The following RBM39 variants were observed in gnomAD, a reference collection of about 807,000 sequenced individuals.
RBM39 encodes the protein RNA-binding protein 39.
In RBM39, 12 loss-of-function variants were observed where a neutral mutation model predicts 79.6. The observed-to-expected ratio is 0.15, with a 90% confidence interval of 0.10 to 0.24. The LOEUF (loss-of-function observed/expected upper bound fraction) is 0.24, where lower values mean the gene tolerates loss of function less well. Among genes scored for constraint, RBM39 ranks in the 10% least tolerant of loss-of-function variants. RBM39 has a pLI of 1.00. For missense variants in RBM39, 243 were observed against 653.4 expected (o/e 0.37, Z 6.85); for synonymous variants, 185 against 208.4 (o/e 0.89, Z 0.97).
At position 35,703,565 on chromosome 20, in the gene RBM39, AAATTT is replaced by A. The variant is rs2035399307; in HGVS notation, c.*911_*915del. On this transcript the variant is annotated 3_prime_UTR_variant, in exon 17 of 17. Coordinates refer to ENST00000253363, the MANE Select transcript of RBM39 (RefSeq NM_184234.3). ...ACTAAAAGAAGCTAATTCTGTTCTC[AAATTT>A]CTGTAACTTTAAAACATTTGAAAAA... 2 of 152,608 alleles carry A rather than the reference AAATTT, an allele frequency of 1.3e-5. No homozygotes were observed. Among genetic ancestry groups the A allele is most frequent in the Admixed American group, 6.5e-5 (1 of 15,282 alleles). 9.5% of individuals were successfully genotyped at this position (152,608 alleles called of 1,614,324 possible).
intron 11 of RBM39, chr20:35,713,697 A>AAAAAAAAAAAC (rs2036759294): frequency 7.7e-6 from 1 of 130,162 alleles, no homozygotes; most frequent in Non-Finnish European, 1.6e-5. Context: ...AAAAAAAAAA[A>AAAAAAAAAAAC]CCACCACAGA....
At chr20:35,710,976 T>C (rs2425080) in intron 12 of RBM39, among the ~76,000 whole-genome samples, 4,173 of 152,242 alleles carry the variant, frequency 0.027, 158 homozygotes, top group African/African-American at 0.089. Flanking sequence ...AATCTTAATA[T>C]ATACTACACG....
intron 9 of RBM39, among the ~76,000 whole-genome samples, chr20:35,720,757 A>G (rs914210800): frequency 9.2e-5 from 14 of 152,140 alleles, no homozygotes; most frequent in African/African-American, 3.4e-4. Flanking sequence ...GGGCAGCAGA[A>G]TAAGACTCTG....
chr20:35,707,681 C>A, intron 13 of RBM39: 1 of 199,494 alleles, frequency 5.0e-6, no homozygotes, highest in Non-Finnish European at 1.1e-5. Context: ...TAAAATCATC[C>A]AAGTGTTTAA....
At chr20:35,727,467 A>C (rs1403903476) in intron 6 of RBM39, among the ~76,000 whole-genome samples, 1 of 150,718 alleles carries the variant, frequency 6.6e-6, no homozygotes, top group Non-Finnish European at 1.5e-5. Context: ...GAAATCGTAG[A>C]CTGAACAAAT....
rs73093179 is a variant in RBM39 at position 35,703,557 on chromosome 20, C to G, written c.*924G>C. 7.5e-3 allele frequency: 1,142 copies of G among 152,690 alleles called. 7 individuals carry two copies. The highest frequency in any genetic ancestry group is 0.011 in the Non-Finnish European group (736 of 68,022). The allele number at this position is 152,690 out of a possible 1,614,324, so 9.5% of individuals were successfully genotyped here. A position where few individuals can be genotyped will look rare whatever the true frequency, so the allele number is the denominator to read the frequency against. ...GAATTGAGACTAAAAGAAGCTAATT[C>G]TGTTCTCAAATTTCTGTAACTTTAA... On this transcript the variant is annotated 3_prime_UTR_variant, in exon 17 of 17. Transcript: ENST00000253363.
At chr20:35,726,798 G>A (rs2038749015) in intron 6 of RBM39, among the ~76,000 whole-genome samples, 1 of 152,040 alleles carries the variant, frequency 6.6e-6, no homozygotes, top group African/African-American at 2.4e-5. Flanking sequence ...GGGTTGGGGT[G>A]GTCGCTCCAC....
chr20:35,713,959 G>A, intron 11 of RBM39: 1 of 507,324 alleles, frequency 2.0e-6, no homozygotes, highest in Non-Finnish European at 3.5e-6. Context: ...CTACATAAAG[G>A]AAAAGAAATC....
At chr20:35,711,702 G>A (rs1218283394) in intron 12 of RBM39, among the ~76,000 whole-genome samples, 1 of 152,142 alleles carries the variant, frequency 6.6e-6, no homozygotes, top group African/African-American at 2.4e-5. Context: ...AAAAACAAAA[G>A]TCGTCTTCTA....
At chr20:35,724,987 T>A in intron 7 of RBM39, 51 bp downstream of exon 7, 1 of 1,288,262 alleles carries the variant, frequency 7.8e-7, no homozygotes, top group East Asian at 2.3e-5. Flanking sequence ...GTTTACATGT[T>A]TTCTCTTGCA....
At chr20:35,710,458 T>G (rs1352012375) in intron 12 of RBM39, 3 of 152,298 alleles carry the variant, frequency 2.0e-5, no homozygotes, top group Non-Finnish European at 4.4e-5. Flanking sequence ...CAGAAATCCA[T>G]GCTATTTTGT....
rs1435012388 is a variant in RBM39, at chr20:35,704,979, A to G, written c.1414-233T>C. On this transcript the variant is annotated intron_variant, in intron 15 of 16. Transcript: ENST00000253363. ...TTTGTATGCAGCCTAAGAATGAATC[A>G]AGATGCCAAGATTTCATGGCAAGCT... 4 of 586,724 alleles carry G rather than the reference A, an allele frequency of 6.8e-6. 1 individual carries two copies. The East Asian group carries it at 1.1e-4, about 17-fold the overall frequency. The allele number at this position is 586,724 out of a possible 1,614,324, so 36.3% of individuals were successfully genotyped here.
intron 14 of RBM39, 129 bp downstream of exon 14, chr20:35,706,991 C>G (rs1374287901): frequency 2.4e-6 from 1 of 413,414 alleles, no homozygotes; most frequent in African/African-American, 2.4e-5. Context: ...CGCGCCATTG[C>G]ACTCCAGCCT....
chr20:35,709,589 G>A (rs980965421), intron 12 of RBM39, among the ~76,000 whole-genome samples: 3 of 152,112 alleles, frequency 2.0e-5, no homozygotes, highest in Admixed American at 6.6e-5. Context: ...GTCAGAAAAT[G>A]AGTGAAAAAC....
At chr20:35,721,570 C>CGA (rs1187480080) in intron 9 of RBM39, among the ~76,000 whole-genome samples, 170 bp downstream of exon 9, 1 of 152,218 alleles carries the variant, frequency 6.6e-6, no homozygotes, top group Admixed American at 6.5e-5. Context: ...TTTTAAGAAT[C>CGA]TATCAAGTGA....
chr20:35,714,440 T>C, intron 10 of RBM39, 51 bp from the exon 11 acceptor site: 1 of 1,510,194 alleles, frequency 6.6e-7, no homozygotes, highest in Non-Finnish European at 8.8e-7. Flanking sequence ...ATTTTTAAAA[T>C]ACAAACTATA....
chr20:35,713,481 A>G (rs1364057860), intron 11 of RBM39: 2 of 159,648 alleles, frequency 1.3e-5, no homozygotes, highest in African/African-American at 4.8e-5. Flanking sequence ...ATGCGCCACC[A>G]TGACCGGCTA....
chr20:35,736,553 G>A, intron 3 of RBM39: 1 of 470,684 alleles, frequency 2.1e-6, no homozygotes, highest in South Asian at 1.5e-5. Context: ...TACTTACTAT[G>A]AAGCATTTAG....
intron 9 of RBM39, among the ~76,000 whole-genome samples, chr20:35,721,059 G>A (rs77011121): frequency 0.029 from 4,389 of 152,178 alleles, 87 homozygotes; most frequent in Non-Finnish European, 0.041. Flanking sequence ...TGCTGCCTCG[G>A]CCTCCCGAGT....
Sources: allele counts gnomAD v4.1 joint callset (sites outside exome capture counted in the v4.1 genomes callset), GRCh38; gene constraint gnomAD v4.1.1; transcripts MANE v1.5; gene names NCBI Gene and HGNC (gene_info 2026-07-23, HGNC 2026-07-21).